STMN3: variants seen among roughly 807,000 people sequenced by gnomAD.
The protein encoded by STMN3 is stathmin-3.
In STMN3, 24 loss-of-function variants were observed where a neutral mutation model predicts 23.2. The observed-to-expected ratio is 1.03, with a 90% CI of 0.75 to 1.45. The LOEUF (loss-of-function observed/expected upper bound fraction) is 1.45, where lower values mean the gene tolerates loss of function less well. Ranked by LOEUF, STMN3 falls within the 40% of genes most tolerant of loss-of-function variation. The pLI, the probability that STMN3 is intolerant of heterozygous loss-of-function variation, is 0.00. For missense variants in STMN3, 235 were observed against 237.6 expected (o/e 0.99, Z 0.07); for synonymous variants, 117 against 103.4 (o/e 1.13, Z -0.80).
In STMN3 at chr20:63,641,196, G is replaced by A. The variant is rs2089758374; in HGVS notation, c.*142C>T. ...CTCACCACGAGGACAGGGCAGGGCGGCTGAGTGCGGAAGAGAAGCATGAAG... is the reference window on the plus strand; with the variant it reads ...CTCACCACGAGGACAGGGCAGGGCGACTGAGTGCGGAAGAGAAGCATGAAG... On this transcript the variant is annotated 3_prime_UTR_variant, in exon 5 of 5. Transcript: ENST00000370053. 5.2e-6 allele frequency: 4 copies of A among 762,206 alleles called. No homozygotes were observed. Among genetic ancestry groups the A allele is most frequent in the South Asian group, 4.4e-5 (3 of 67,670 alleles). The allele number at this position is 762,206 out of a possible 1,614,324, so 47.2% of individuals were successfully genotyped here.
chr20:63,652,141 A>T lies in STMN3; in HGVS notation c.19+1186T>A, dbSNP rs1384762935. 1.3e-5 allele frequency: 2 copies of T among 152,250 alleles called. No homozygotes were observed. The highest frequency in any genetic ancestry group is 2.4e-5 in the African/African-American group (1 of 41,430). 9.4% of individuals were successfully genotyped at this position (152,250 alleles called of 1,614,324 possible). A position where few individuals can be genotyped will look rare whatever the true frequency, so the allele number is the denominator to read the frequency against. On this transcript the variant is annotated intron_variant, in intron 1 of 4. Transcript: ENST00000370053. The surrounding 1 kb of genome is among the most constrained non-coding windows in gnomAD (Gnocchi z 5.3). ...CACGGTCCCCTCCTGGCAGGTGCTG[A>T]AGTCACCTGGAGCCTCCAAGCCCGT...
rs898415862 is a variant in STMN3 at position 63,653,339 on chromosome 20, T to G, written c.7A>C (p.Ser3Arg). 1 of 1,547,754 alleles carries G rather than the reference T, an allele frequency of 6.5e-7. No homozygotes were observed. Among genetic ancestry groups the G allele is most frequent in the South Asian group, 1.2e-5 (1 of 84,062 alleles). The change falls in exon 1 of 5, where the codon AGC becomes CGC. Residue 3 changes from serine to arginine, a missense_variant. Physicochemically the swap from Ser to Arg is moderately radical, Grantham distance 110 (BLOSUM62 -1). Transcript: ENST00000370053. The part of the protein sequence containing the change: MA[S>R]TISAYKEKMK... Reference sequence around the variant, plus strand: ...CCCCGGAGCCTACCGGAAATGGTGCTGGCCATGGTGCTGGCGGCGGTTGGG... The same window carrying G: ...CCCCGGAGCCTACCGGAAATGGTGCGGGCCATGGTGCTGGCGGCGGTTGGG...
intron 1 of STMN3, among the ~76,000 whole-genome samples, chr20:63,647,637 T>TATATATATATACATATATATATATA (rs2089819226): frequency 7.2e-6 from 1 of 138,024 alleles, no homozygotes; most frequent in Non-Finnish European, 1.5e-5. Context: ...CAAACAAACA[T>TATATATATATACATATATATATATA]ATATATATAT....
In STMN3 at chr20:63,642,222, C is replaced by T. The variant is rs144792529; in HGVS notation, c.369G>A (p.Glu123=). 13 of 1,563,354 alleles carry T rather than the reference C, an allele frequency of 8.3e-6. No homozygotes were observed. In the African/African-American group the frequency reaches 9.9e-5, roughly 12 times the overall value. ...CCTGGCGGCTGAAGTTGTTATTCTCCTCCAGCGCCTTGTGCAGCACCTCGC... is the reference window on the plus strand; with the variant it reads ...CCTGGCGGCTGAAGTTGTTATTCTCTTCCAGCGCCTTGTGCAGCACCTCGC... ...HEREVLHKAL[E]ENNNFSRQAE... is the part of the protein sequence containing the mutation. The change falls in exon 4 of 5, where the codon GAG becomes GAA. Residue 123 remains glutamate, a synonymous_variant. Transcript: ENST00000370053.
At chr20:63,650,968 T>A (rs2089854390) in intron 1 of STMN3, among the ~76,000 whole-genome samples, 1 of 150,684 alleles carries the variant, frequency 6.6e-6, no homozygotes, top group African/African-American at 2.4e-5. Context: ...CTTCTTTTTT[T>A]TTTTTTTTAG....
chr20:63,643,337 A>G (rs1448622117), intron 3 of STMN3, among the ~76,000 whole-genome samples: 1 of 152,012 alleles, frequency 6.6e-6, no homozygotes, highest in Non-Finnish European at 1.5e-5. Context: ...TGAGGAGTGC[A>G]GTGGCGCAGT....
At chr20:63,648,841 G>C (rs372140250) in intron 1 of STMN3, among the ~76,000 whole-genome samples, 2 of 152,266 alleles carry the variant, frequency 1.3e-5, no homozygotes, top group East Asian at 3.9e-4. Flanking sequence ...CCGAAAAAAA[G>C]ATCTGTAGGC....
chr20:63,641,091 G>C lies in STMN3; in HGVS notation c.*247C>G. On this transcript the variant is annotated 3_prime_UTR_variant, in exon 5 of 5. Transcript: ENST00000370053. ...TCTCACAGGGCCCCCGGGGGACCCA[G>C]CCGCGCCCGGCCTGGTGTCTGCACC... The C allele has an allele frequency of 5.2e-6, 3 of 576,726 alleles. No individual in the cohort carries two copies. In the South Asian group the frequency reaches 5.7e-5, roughly 11 times the overall value. 35.7% of individuals were successfully genotyped at this position (576,726 alleles called of 1,614,324 possible).
intron 1 of STMN3, among the ~76,000 whole-genome samples, chr20:63,647,960 GTATATA>G (rs1242712476): frequency 0.012 from 641 of 53,348 alleles, 118 homozygotes; most frequent in Non-Finnish European, 0.016. Flanking sequence ...ATATATATAT[GTATATA>G]TATATATATA....
intron 1 of STMN3, 99 bp downstream of exon 1, chr20:63,653,228 G>A: frequency 6.9e-7 from 1 of 1,455,386 alleles, no homozygotes. Flanking sequence ...TAGGAGAAGG[G>A]AAATTGGCGT....
chr20:63,643,580 C>G (rs1332272940), intron 3 of STMN3, 176 bp downstream of exon 3: 4 of 961,752 alleles, frequency 4.2e-6, no homozygotes, highest in Non-Finnish European at 4.9e-6. Flanking sequence ...CACACCCGGC[C>G]TCTCCCCATC....
In STMN3 at chr20:63,643,769, T is replaced by A; in HGVS notation, c.278A>T (p.Glu93Val). ...EELQKRLEAA[E>V]ERRKTQEAQV... ...AGGACTCCTTGCCTTCCTCCGCTCC[T>A]CGGCTGCCTCCAGCCGCTTTTGCAG... The change falls in exon 3 of 5, where the codon GAG becomes GTG. Residue 93 changes from glutamate to valine, a missense_variant. Physicochemically the swap from Glu to Val is moderately radical, Grantham distance 121. Transcript: ENST00000370053. 1 of 1,549,112 alleles carries A rather than the reference T, an allele frequency of 6.5e-7. No individual in the cohort carries two copies. The highest frequency in any genetic ancestry group is 8.6e-7 in the Non-Finnish European group (1 of 1,157,122).
chr20:63,641,051 G>C lies in STMN3; in HGVS notation c.*287C>G, dbSNP rs1234943444. On this transcript the variant is annotated 3_prime_UTR_variant, in exon 5 of 5. Transcript: ENST00000370053. ...CACGCCACCGCCCTGGGTTTACCAC[G>C]GTCACCGCCACCTCTCTCACAGGGC... 1.9e-6 allele frequency: 1 copy of C among 517,722 alleles called. No individual in the cohort carries two copies. Among genetic ancestry groups the C allele is most frequent in the Non-Finnish European group, 3.5e-6 (1 of 283,974 alleles). 32.1% of individuals were successfully genotyped at this position (517,722 alleles called of 1,614,324 possible).
chr20:63,643,893 G>A lies in STMN3; in HGVS notation c.154C>T (p.Gln52Ter). 13 of 1,598,602 alleles carry A rather than the reference G, an allele frequency of 8.1e-6. No homozygotes were observed. Among genetic ancestry groups the A allele is most frequent in the Non-Finnish European group, 1.0e-5 (12 of 1,176,030 alleles). The change falls in exon 3 of 5, where the codon CAG (glutamine) becomes TAG (stop). Residue 52 changes from glutamine to a stop codon, truncating the protein, a stop_gained. Transcript: ENST00000370053. LOFTEE classifies it high-confidence loss of function. ...GACTTGAGGATGACCTCGAAGCTCT[G>A]GCCTGAGGCCCGCTTGTCCAGCTGC... ...VKQLDKRASGQSFEVILKSPS... is the reference protein window; with the variant it reads ...VKQLDKRASG
At chr20:63,646,151 G>A (rs555084074) in intron 1 of STMN3, among the ~76,000 whole-genome samples, 1 of 152,176 alleles carries the variant, frequency 6.6e-6, no homozygotes, top group East Asian at 1.9e-4. Context: ...GGACAGAGCA[G>A]CACAGAGCCC....
intron 1 of STMN3, among the ~76,000 whole-genome samples, chr20:63,651,406 G>C (rs1348464677): frequency 6.6e-5 from 10 of 152,184 alleles, no homozygotes. Context: ...GATCTGTCCA[G>C]AACTGAGAGG....
chr20:63,645,824 G>A (rs1047939975), intron 1 of STMN3, among the ~76,000 whole-genome samples: 1 of 152,088 alleles, frequency 6.6e-6, no homozygotes, highest in African/African-American at 2.4e-5. Flanking sequence ...GTGGTGGCAG[G>A]CACCTGTAAT....
chr20:63,648,086 A>G (rs1210773502), intron 1 of STMN3, among the ~76,000 whole-genome samples: 3 of 148,518 alleles, frequency 2.0e-5, no homozygotes, highest in Non-Finnish European at 3.0e-5. Flanking sequence ...CAGCCTCCCA[A>G]AGCACTAGGA....
At chr20:63,653,270 G>C in intron 1 of STMN3, 57 bp downstream of exon 1, 2 of 1,533,742 alleles carry the variant, frequency 1.3e-6, no homozygotes, top group Non-Finnish European at 1.8e-6. Flanking sequence ...GGCGAGGCCA[G>C]ACGAGGCCTC....
Sources: allele counts gnomAD v4.1 joint callset (sites outside exome capture counted in the v4.1 genomes callset), GRCh38; gene constraint gnomAD v4.1.1; non-coding constraint Gnocchi (gnomAD v3.1); transcripts MANE v1.5; gene names NCBI Gene and HGNC (gene_info 2026-07-23, HGNC 2026-07-21).